The following CATSPERD variants were observed in gnomAD, a reference collection of about 807,000 sequenced individuals.
CATSPERD encodes the protein cation channel sperm-associated auxiliary subunit delta.
CATSPERD carries 86 observed loss-of-function variants against 98.1 expected under a neutral mutation model. That is an observed-to-expected ratio of 0.88 (90% CI 0.74 to 1.05). The LOEUF (loss-of-function observed/expected upper bound fraction) is 1.05. Among genes scored for constraint, CATSPERD ranks in the 50% least tolerant of loss-of-function variants. The pLI, the probability that CATSPERD is intolerant of heterozygous loss-of-function variation, is 0.00. For synonymous variants in CATSPERD, 394 were observed against 390.2 expected (o/e 1.01, Z -0.12); for missense variants, 995 against 1,005.7 (o/e 0.99, Z 0.14).
In CATSPERD at chr19:5,724,814, C is replaced by A; in HGVS notation, c.78C>A (p.Arg26=). 1 of 1,613,962 alleles carries A rather than the reference C, an allele frequency of 6.2e-7. No individual in the cohort carries two copies. The highest frequency in any genetic ancestry group is 1.1e-5 in the South Asian group (1 of 91,082). Residue 26 remains arginine, a synonymous_variant, in exon 2 of 22, where the codon CGC becomes CGA. Coordinates refer to ENST00000381624, the MANE Select transcript of CATSPERD (RefSeq NM_152784.4). ...TCTTTCTTGTCACTTCTAGTTCTCGCACAGTGAGGACAGGAAAAGTGTTTA... is the reference window on the plus strand; with the variant it reads ...TCTTTCTTGTCACTTCTAGTTCTCGAACAGTGAGGACAGGAAAAGTGTTTA... ...PLVTAQLCRS[R]TVRTGKVFNL...
At position 5,737,230 on chromosome 19, in the gene CATSPERD, A is replaced by AT. The variant is rs547251595; in HGVS notation, c.459+34dup. 668 of 1,484,994 alleles carry AT rather than the reference A, an allele frequency of 4.5e-4. 1 individual carries two copies. The highest frequency in any genetic ancestry group is 5.3e-4 in the Middle Eastern group (3 of 5,712). The allele number at this position is 1,484,994 out of a possible 1,614,324, so 92.0% of individuals were successfully genotyped here. Reference sequence around the variant, plus strand: ...GGTAAGTATAAGTGTATAATTGTTCATTTTTTTTTGCTCTCCTCTGAACAC... The same window carrying AT: ...GGTAAGTATAAGTGTATAATTGTTCATTTTTTTTTTGCTCTCCTCTGAACAC... On this transcript the variant is annotated intron_variant, in intron 6 of 21. Coordinates refer to ENST00000381624, the MANE Select transcript of CATSPERD (RefSeq NM_152784.4).
intron 3 of CATSPERD, among the ~76,000 whole-genome samples, chr19:5,727,805 C>A (rs191238499): frequency 2.0e-5 from 3 of 152,084 alleles, no homozygotes; most frequent in African/African-American, 7.2e-5. Context: ...GTCCACCATG[C>A]CAGGATGCTT....
At chr19:5,754,396 T>C in intron 13 of CATSPERD, 151 bp downstream of exon 13, 5 of 414,844 alleles carry the variant, frequency 1.2e-5, no homozygotes, top group African/African-American at 2.3e-5. Flanking sequence ...TCTGTGTCTT[T>C]TTTTTTTTTT....
chr19:5,722,552 G>A (rs905375948), intron 1 of CATSPERD, among the ~76,000 whole-genome samples: 5 of 152,190 alleles, frequency 3.3e-5, no homozygotes, highest in African/African-American at 1.2e-4. Flanking sequence ...CTCGAGTTCT[G>A]AAAATGTGGG....
chr19:5,738,875 CTGTTTTTGTTTT>C lies in CATSPERD; in HGVS notation c.460-431_460-420del, dbSNP rs550973878. Among the ~76,000 whole-genome samples, 56 of 150,666 alleles carry C rather than the reference CTGTTTTTGTTTT, an allele frequency of 3.7e-4. 1 individual carries two copies. The highest frequency in any genetic ancestry group is 1.2e-3 in the African/African-American group (51 of 41,022). On this transcript the variant is annotated intron_variant, in intron 6 of 21. Coordinates refer to ENST00000381624, the MANE Select transcript of CATSPERD (RefSeq NM_152784.4). The stretch of plus-strand genomic sequence containing the variant: ...ACAGGCGTGAGCCAACACGCCCGGC[CTGTTTTTGTTTT>C]TGTTTTTGTTTTTGTTTTTTTTAAG...
intron 6 of CATSPERD, 25 bp downstream of exon 6, chr19:5,737,230 AT>A (rs547251595): frequency 1.8e-3 from 2,654 of 1,469,594 alleles, no homozygotes; most frequent in East Asian, 2.1e-3. Context: ...ATAATTGTTC[AT>A]TTTTTTTTGC....
At chr19:5,744,404 A>C (rs754961085) in intron 7 of CATSPERD, 23 bp from the exon 8 acceptor site, 1 of 1,587,852 alleles carries the variant, frequency 6.3e-7, no homozygotes, top group Non-Finnish European at 8.6e-7. Context: ...ATTCATCTGA[A>C]GTCTTTTCTG....
intron 20 of CATSPERD, 90 bp from the exon 21 acceptor site, chr19:5,776,071 G>A: frequency 7.1e-7 from 1 of 1,409,258 alleles, no homozygotes; most frequent in Non-Finnish European, 9.8e-7. Context: ...TGAGGACTGG[G>A]GTGGGTGCAG....
In CATSPERD at chr19:5,741,791, G is replaced by T. The variant is rs1247234536; in HGVS notation, c.573+2352G>T. Among the ~76,000 whole-genome samples, 257 of 96,606 alleles carry T rather than the reference G, an allele frequency of 2.7e-3. 53 individuals are homozygous for T. Among genetic ancestry groups the T allele is most frequent in the African/African-American group, 8.9e-3 (245 of 27,442 alleles). 63.4% of individuals were successfully genotyped at this position (96,606 alleles called of 152,430 possible). A position where few individuals can be genotyped will look rare whatever the true frequency, so the allele number is the denominator to read the frequency against. ...CACTTTGGGATGCTGAAGGCGGGGG[G>T]GGGGGGGTGGTGTGGATCACTTGAG... On this transcript the variant is annotated intron_variant, in intron 7 of 21. Coordinates refer to ENST00000381624, the MANE Select transcript of CATSPERD (RefSeq NM_152784.4).
chr19:5,755,280 G>A (rs542479233), intron 13 of CATSPERD, among the ~76,000 whole-genome samples: 1 of 152,202 alleles, frequency 6.6e-6, no homozygotes, highest in Non-Finnish European at 1.5e-5. Context: ...CTAGGCATTA[G>A]CTGCAAGTAC....
At chr19:5,724,572 G>T (rs890727527) in intron 1 of CATSPERD, among the ~76,000 whole-genome samples, 3 of 152,260 alleles carry the variant, frequency 2.0e-5, no homozygotes, top group African/African-American at 7.2e-5. Context: ...TGTGGCGCGC[G>T]CCTGTAATCC....
intron 15 of CATSPERD, among the ~76,000 whole-genome samples, chr19:5,762,844 G>A (rs944689033): frequency 1.3e-5 from 2 of 149,990 alleles, no homozygotes; most frequent in African/African-American, 4.9e-5. Flanking sequence ...AGATGGATGA[G>A]TGGATGGATG....
intron 11 of CATSPERD, among the ~76,000 whole-genome samples, chr19:5,750,182 C>G (rs568491307): frequency 2.0e-5 from 3 of 150,382 alleles, no homozygotes; most frequent in East Asian, 4.0e-4. Context: ...GGCGTGGTGG[C>G]TCACGCCTGT....
chr19:5,771,439 T>C (rs1022568361), intron 19 of CATSPERD, among the ~76,000 whole-genome samples: 2 of 152,214 alleles, frequency 1.3e-5, no homozygotes, highest in African/African-American at 4.8e-5. Context: ...GGTTTCACCA[T>C]GTTGGGCAGG....
chr19:5,744,094 C>T (rs1223468458), intron 7 of CATSPERD, among the ~76,000 whole-genome samples: 3 of 152,076 alleles, frequency 2.0e-5, no homozygotes, highest in Admixed American at 6.6e-5. Flanking sequence ...ATTCTCCTGC[C>T]TCAGCCTCCT....
intron 13 of CATSPERD, 26 bp downstream of exon 13, chr19:5,754,271 A>C (rs1318574128): frequency 6.5e-7 from 1 of 1,544,928 alleles, no homozygotes; most frequent in East Asian, 2.2e-5. Flanking sequence ...TGTTTCTGCT[A>C]TCTGGGATTC....
rs369551141 is a variant in CATSPERD, at chr19:5,757,924, T to G, written c.1360T>G (p.Tyr454Asp). ...NGYTSDGNTK[Y>D]KLDIFLKQQQ... The stretch of plus-strand genomic sequence containing the variant: ...TTACACATCAGATGGGAACACCAAG[T>G]ACAAACTGGTGAGCCGCGTCCCCAC... The change falls in exon 14 of 22, where the codon TAC (tyrosine) becomes GAC (aspartate). Residue 454 changes from tyrosine to aspartate, a missense_variant. By Grantham distance (160) the Tyr-to-Asp change is radical (BLOSUM62 -3). Transcript: ENST00000381624. The G allele has an allele frequency of 3.1e-6, 5 of 1,611,600 alleles. No homozygotes were observed. In the African/African-American group the frequency reaches 5.3e-5, roughly 17 times the overall value.
chr19:5,744,548 T>G, intron 8 of CATSPERD, 38 bp downstream of exon 8: 1 of 1,462,212 alleles, frequency 6.8e-7, no homozygotes, highest in Non-Finnish European at 9.4e-7. Context: ...TCAGAGGACC[T>G]TTGCCCAAGC....
intron 11 of CATSPERD, among the ~76,000 whole-genome samples, chr19:5,750,975 G>T (rs1568357726): frequency 6.6e-6 from 1 of 151,076 alleles, no homozygotes; most frequent in African/African-American, 2.4e-5. Flanking sequence ...AGCACTTTTG[G>T]GAGGCCGAGG....
Sources: gnomAD v4.1 joint callset for allele counts (sites outside exome capture counted in the v4.1 genomes callset) on GRCh38, gnomAD v4.1.1 for gene constraint, MANE v1.5 for transcripts, NCBI Gene and HGNC (gene_info 2026-07-23, HGNC 2026-07-21) for gene names.